The following TSHZ1 variants were observed in gnomAD, a reference collection of about 807,000 sequenced individuals.
TSHZ1 encodes the protein teashirt homolog 1.
In TSHZ1, 12 loss-of-function variants were observed where a neutral mutation model predicts 67.1. That is an observed-to-expected ratio of 0.18 (90% CI 0.11 to 0.29). The LOEUF is 0.29. Among genes scored for constraint, TSHZ1 ranks in the 10% least tolerant of loss-of-function variants. TSHZ1 has a pLI of 1.00. For missense variants in TSHZ1, 1,305 were observed against 1,413.9 expected (o/e 0.92, Z 1.23); for synonymous variants, 632 against 622.4 (o/e 1.02, Z -0.23).
rs2022695716 is a variant in TSHZ1 at position 75,211,822 on chromosome 18, C to T, written c.-55C>T. The T allele has an allele frequency of 9.2e-6, 10 of 1,085,562 alleles. No homozygotes were observed. The highest frequency in any genetic ancestry group is 1.1e-5 in the Non-Finnish European group (10 of 895,390). 67.2% of individuals were successfully genotyped at this position (1,085,562 alleles called of 1,614,324 possible). A position where few individuals can be genotyped will look rare whatever the true frequency, so the allele number is the denominator to read the frequency against. ...GCCCGCGCCCGGGGCCCCGCGTCCCCGCGCCCCGCGAACTCCGGCGGCGGC... is the reference window on the plus strand; with the variant it reads ...GCCCGCGCCCGGGGCCCCGCGTCCCTGCGCCCCGCGAACTCCGGCGGCGGC... On this transcript the variant is annotated 5_prime_UTR_variant, in exon 1 of 2. Transcript: ENST00000580243.
In TSHZ1 at chr18:75,272,692, T is replaced by C. The variant is rs186954623; in HGVS notation, c.41-12756T>C. Among the ~76,000 whole-genome samples the C allele has an allele frequency of 3.3e-5, 5 of 152,350 alleles. No individual in the cohort carries two copies. In the East Asian group the frequency reaches 9.6e-4, roughly 29 times the overall value. ...ACTTGTACTCTCCTTCTAGAGAGAA[T>C]ATCAGGTCATCTAGCAAGGGGAATA... On this transcript the variant is annotated intron_variant, in intron 1 of 1. Coordinates refer to ENST00000580243, the MANE Select transcript of TSHZ1 (RefSeq NM_001308210.2).
Position 75,287,977 on chromosome 18 carries a change from C to T in TSHZ1, c.2570C>T (p.Thr857Met), listed in dbSNP as rs1253316791. ...LTGRLTPKSSTPSTVSEKSDA... is the reference protein window; with the variant it reads ...LTGRLTPKSSMPSTVSEKSDA... ...GGCCGCCTGACGCCCAAGTCCTCCACGCCCTCCACAGTTTCAGAGAAGTCC... is the reference window on the plus strand; with the variant it reads ...GGCCGCCTGACGCCCAAGTCCTCCATGCCCTCCACAGTTTCAGAGAAGTCC... Residue 857 changes from threonine to methionine, a missense_variant, in exon 2 of 2, where the codon ACG becomes ATG. Around this residue, in one of 3 missense-constraint regions of TSHZ1, gnomAD observed 909 missense variants for 961.8 expected, o/e 0.95. Coordinates refer to ENST00000580243, the MANE Select transcript of TSHZ1 (RefSeq NM_001308210.2). The surrounding 1 kb of genome is among the most constrained non-coding windows in gnomAD (Gnocchi z 5.0). 8.7e-6 allele frequency: 14 copies of T among 1,614,080 alleles called. No homozygotes were observed. The highest frequency in any genetic ancestry group is 2.2e-5 in the East Asian group (1 of 44,880).
Position 75,286,254 on chromosome 18 carries a change from A to G in TSHZ1, c.847A>G (p.Thr283Ala). The G allele has an allele frequency of 6.2e-7, 1 of 1,613,810 alleles. No individual in the cohort carries two copies. ...CAACAGGGACAAGGACTCCGAGAAG[A>G]CCAAGAGGTGGTCCAAGCCCAGGAA... is the stretch of plus-strand genomic sequence containing the variant. ...DDNRDKDSEK[T>A]KRWSKPRKRS... Residue 283 changes from threonine to alanine, a missense_variant, in exon 2 of 2, where the codon ACC (threonine) becomes GCC (alanine). This residue lies in a region of TSHZ1 where 358 missense variants were observed against 375.6 expected (regional missense o/e 0.95). Coordinates refer to ENST00000580243, the MANE Select transcript of TSHZ1 (RefSeq NM_001308210.2). This position sits in a 1 kb window ranked among gnomAD's most constrained non-coding sequence, Gnocchi z 5.1.
Position 75,276,542 on chromosome 18 carries a change from A to G in TSHZ1, c.41-8906A>G, listed in dbSNP as rs1052646863. 5.3e-5 allele frequency among the ~76,000 whole-genome samples: 8 copies of G among 152,192 alleles called. 1 individual carries two copies. Among genetic ancestry groups the G allele is most frequent in the Non-Finnish European group, 8.8e-5 (6 of 68,038 alleles). On this transcript the variant is annotated intron_variant, in intron 1 of 1. Coordinates refer to ENST00000580243, the MANE Select transcript of TSHZ1 (RefSeq NM_001308210.2). ...TCCATAACGAAGGTGACGTTACTTT[A>G]TGAGTGATCAATTATAACTTTGGAA...
chr18:75,260,730 C>T (rs1030191107), intron 1 of TSHZ1, among the ~76,000 whole-genome samples: 1 of 152,114 alleles, frequency 6.6e-6, no homozygotes, highest in Admixed American at 6.5e-5. Context: ...TCAGTTTTGC[C>T]TTTGTGACTC....
In TSHZ1 at chr18:75,286,643, G is replaced by A. The variant is rs374001632; in HGVS notation, c.1236G>A (p.Lys412=). 2 of 1,614,124 alleles carry A rather than the reference G, an allele frequency of 1.2e-6. No homozygotes were observed. Among genetic ancestry groups the A allele is most frequent in the African/African-American group, 2.7e-5 (2 of 74,946 alleles). ...ACACCTGGCAGTTTGAGGCCCGCAAGGCGCAGATCCTCAAGTGCATGGAGT... is the reference window on the plus strand; with the variant it reads ...ACACCTGGCAGTTTGAGGCCCGCAAAGCGCAGATCCTCAAGTGCATGGAGT... ...ASYTWQFEAR[K]AQILKCMECG... is the part of the protein sequence containing the mutation. Residue 412 remains lysine, a synonymous_variant, in exon 2 of 2, where the codon AAG becomes AAA. Coordinates refer to ENST00000580243, the MANE Select transcript of TSHZ1 (RefSeq NM_001308210.2). The surrounding 1 kb of genome is among the most constrained non-coding windows in gnomAD (Gnocchi z 5.1).
intron 1 of TSHZ1, among the ~76,000 whole-genome samples, chr18:75,273,716 A>T (rs1233394517): frequency 6.6e-6 from 1 of 152,238 alleles, no homozygotes; most frequent in Non-Finnish European, 1.5e-5. Flanking sequence ...ACATTAGAAC[A>T]CACAGAATTT....
Position 75,285,649 on chromosome 18 carries a change from G to A in TSHZ1, c.242G>A (p.Ser81Asn), listed in dbSNP as rs777386558. The A allele has an allele frequency of 1.5e-5, 24 of 1,613,832 alleles. No individual in the cohort carries two copies. The highest frequency in any genetic ancestry group is 1.9e-5 in the Non-Finnish European group (22 of 1,179,986). Residue 81 changes from serine (S) to asparagine (N), a missense_variant, in exon 2 of 2, where the codon AGC becomes AAC. Coordinates refer to ENST00000580243, the MANE Select transcript of TSHZ1 (RefSeq NM_001308210.2). ...DAGYGSPFSESSDQLAHFKGS... is the reference protein window; with the variant it reads ...DAGYGSPFSENSDQLAHFKGS... ...GGCTACGGGTCGCCCTTCAGTGAGAGCAGCGACCAGCTAGCCCATTTCAAA... is the reference window on the plus strand; with the variant it reads ...GGCTACGGGTCGCCCTTCAGTGAGAACAGCGACCAGCTAGCCCATTTCAAA...
intron 1 of TSHZ1, among the ~76,000 whole-genome samples, chr18:75,279,147 G>A (rs1287357086): frequency 2.0e-5 from 3 of 152,278 alleles, no homozygotes; most frequent in South Asian, 4.1e-4. Context: ...GGGGTCAGGA[G>A]GGCGGGTTCG....
At chr18:75,232,389 G>T (rs1325357686) in intron 1 of TSHZ1, among the ~76,000 whole-genome samples, 2 of 152,286 alleles carry the variant, frequency 1.3e-5, no homozygotes, top group East Asian at 3.9e-4. Flanking sequence ...TAGTTTCAAT[G>T]GACTTGATTT....
At chr18:75,238,629 G>C (rs1218200719) in intron 1 of TSHZ1, among the ~76,000 whole-genome samples, 1 of 151,780 alleles carries the variant, frequency 6.6e-6, no homozygotes, top group Non-Finnish European at 1.5e-5. Context: ...TTTCTGCAGG[G>C]TTTAGTGCTG....
intron 1 of TSHZ1, among the ~76,000 whole-genome samples, chr18:75,253,616 G>A (rs148683198): frequency 2.2e-4 from 34 of 152,352 alleles, no homozygotes; most frequent in African/African-American, 7.7e-4. Context: ...CTTCAGGTCT[G>A]TGAAGGCTGA....
chr18:75,273,795 C>T (rs1251824290), intron 1 of TSHZ1, among the ~76,000 whole-genome samples: 2 of 152,202 alleles, frequency 1.3e-5, no homozygotes, highest in African/African-American at 4.8e-5. Context: ...TTTATGACAA[C>T]AAATATTAAC....
intron 1 of TSHZ1, among the ~76,000 whole-genome samples, chr18:75,255,327 T>C (rs2023350158): frequency 6.6e-6 from 1 of 152,210 alleles, no homozygotes; most frequent in Non-Finnish European, 1.5e-5. Context: ...TGCTCTTCCA[T>C]GCCTGGTAGA....
intron 1 of TSHZ1, among the ~76,000 whole-genome samples, chr18:75,247,516 T>C (rs1439868448): frequency 6.6e-6 from 1 of 152,230 alleles, no homozygotes; most frequent in Non-Finnish European, 1.5e-5. Flanking sequence ...CCTTAAGTTA[T>C]CTTACTTTGA....
At chr18:75,262,703 T>C (rs1466575316) in intron 1 of TSHZ1, among the ~76,000 whole-genome samples, 1 of 152,196 alleles carries the variant, frequency 6.6e-6, no homozygotes, top group Non-Finnish European at 1.5e-5. Context: ...TGCCACACAG[T>C]CTCTGGTGGC....
At chr18:75,218,393 C>T (rs1236476595) in intron 1 of TSHZ1, among the ~76,000 whole-genome samples, 2 of 152,118 alleles carry the variant, frequency 1.3e-5, no homozygotes, top group Admixed American at 1.3e-4. Flanking sequence ...GTGTGCTAAT[C>T]GATAACTAGT....
At chr18:75,222,315 A>G (rs2022856952) in intron 1 of TSHZ1, among the ~76,000 whole-genome samples, 1 of 152,118 alleles carries the variant, frequency 6.6e-6, no homozygotes, top group Admixed American at 6.5e-5. Flanking sequence ...AGGAAGCAGA[A>G]AGGATCTCAT....
chr18:75,252,061 A>G (rs931769643), intron 1 of TSHZ1, among the ~76,000 whole-genome samples: 2 of 152,226 alleles, frequency 1.3e-5, no homozygotes, highest in Non-Finnish European at 2.9e-5. Flanking sequence ...ATGCAGATCT[A>G]TTAATGTCTG....
Sources: gnomAD v4.1 joint callset for allele counts (sites outside exome capture counted in the v4.1 genomes callset) on GRCh38, gnomAD v4.1.1 for gene constraint, gnomAD v4.1.1 regional missense constraint, Gnocchi (gnomAD v3.1) non-coding constraint, MANE v1.5 for transcripts, NCBI Gene and HGNC (gene_info 2026-07-23, HGNC 2026-07-21) for gene names.